The following CLCN7 variants were observed in gnomAD, a reference collection of about 807,000 sequenced individuals.
The protein encoded by CLCN7 is Cl-/H+ antiporter 7.
Under a neutral mutation model 102.1 loss-of-function variants are expected in CLCN7, and 60 were observed. That is an observed-to-expected ratio of 0.59 (90% CI 0.48 to 0.73). The LOEUF (loss-of-function observed/expected upper bound fraction) is 0.73, where lower values mean the gene tolerates loss of function less well. Among genes scored for constraint, CLCN7 ranks in the 30% least tolerant of loss-of-function variants. The pLI is 0.00. For missense variants in CLCN7, 962 were observed against 1,125.7 expected (o/e 0.85, Z 2.08); for synonymous variants, 560 against 490.5 (o/e 1.14, Z -1.87).
chr16:1,447,179 C>A, intron 23 of CLCN7, 93 bp from the exon 24 acceptor site: 1 of 1,270,862 alleles, frequency 7.9e-7, no homozygotes, highest in Non-Finnish European at 1.1e-6. Context: ...CCCACCACGG[C>A]GTCCAGGCAC....
At chr16:1,469,722 A>C (rs1399703055) in intron 1 of CLCN7, among the ~76,000 whole-genome samples, 1 of 152,162 alleles carries the variant, frequency 6.6e-6, no homozygotes, top group Non-Finnish European at 1.5e-5. Context: ...CCAAAAACCA[A>C]AAACAAACAT....
intron 6 of CLCN7, among the ~76,000 whole-genome samples, chr16:1,459,940 G>A (rs1406763499): frequency 7.3e-6 from 1 of 137,100 alleles, no homozygotes; most frequent in African/African-American, 2.8e-5. Flanking sequence ...TCAGGGAAGG[G>A]GAGAGCAGCA....
At position 1,446,718 on chromosome 16, in the gene CLCN7, C is replaced by A; in HGVS notation, c.2332-1G>T. 1 of 1,581,870 alleles carries A rather than the reference C, an allele frequency of 6.3e-7. No homozygotes were observed. The highest frequency in any genetic ancestry group is 8.6e-7 in the Non-Finnish European group (1 of 1,163,454). On this transcript the variant is annotated splice_acceptor_variant, in intron 24 of 24. Coordinates refer to ENST00000382745, the MANE Select transcript of CLCN7 (RefSeq NM_001287.6). LOFTEE classifies it high-confidence loss of function. ...CCTTCCTGGTCACCAACCCGACAAC[C>A]TGCAGGACAAGTCCAGGCCACAGTG...
chr16:1,454,574 C>A (rs1488031116), intron 12 of CLCN7, 109 bp from the exon 13 acceptor site: 1 of 1,040,828 alleles, frequency 9.6e-7, no homozygotes, highest in Non-Finnish European at 1.5e-6. Flanking sequence ...CACAGAGAGC[C>A]TTCCCGCCCT....
intron 1 of CLCN7, among the ~76,000 whole-genome samples, chr16:1,472,927 T>C (rs2039097230): frequency 6.7e-6 from 1 of 149,836 alleles, no homozygotes; most frequent in Admixed American, 6.7e-5. Context: ...TCACCACACC[T>C]GGCTAATTTT....
At chr16:1,468,767 T>G (rs1272951113) in intron 1 of CLCN7, among the ~76,000 whole-genome samples, 1 of 152,126 alleles carries the variant, frequency 6.6e-6, no homozygotes. Flanking sequence ...CTACACGCAT[T>G]GCACCGACAC....
intron 12 of CLCN7, 114 bp from the exon 13 acceptor site, chr16:1,454,579 C>A: frequency 1.0e-6 from 1 of 990,510 alleles, no homozygotes; most frequent in East Asian, 2.5e-5. Flanking sequence ...AGAGCCTTCC[C>A]GCCCTTCCAC....
At chr16:1,449,708 A>ATGCTGACTCCACGTAGAAGC in intron 17 of CLCN7, 9 of 356,474 alleles carry the variant, frequency 2.5e-5, no homozygotes, top group Non-Finnish European at 3.7e-5. Flanking sequence ...GAGGCTGCAG[A>ATGCTGACTCCACGTAGAAGC]AAGCGGGGCA....
intron 12 of CLCN7, among the ~76,000 whole-genome samples, chr16:1,454,783 G>A (rs2038807989): frequency 6.6e-6 from 1 of 152,216 alleles, no homozygotes; most frequent in Non-Finnish European, 1.5e-5. Flanking sequence ...CCTATCGATG[G>A]CACGGAGAGT....
At chr16:1,472,326 G>T (rs1406096823) in intron 1 of CLCN7, among the ~76,000 whole-genome samples, 1 of 152,168 alleles carries the variant, frequency 6.6e-6, no homozygotes, top group African/African-American at 2.4e-5. Context: ...TGCCTCCTGG[G>T]TTCAAGCGAT....
intron 1 of CLCN7, among the ~76,000 whole-genome samples, chr16:1,467,993 G>A (rs895491715): frequency 2.6e-5 from 4 of 152,170 alleles, no homozygotes; most frequent in African/African-American, 9.7e-5. Flanking sequence ...TGAGGCAAGA[G>A]GATCGCTTGA....
chr16:1,449,247 C>T (rs1489414291), intron 18 of CLCN7, 29 bp downstream of exon 18: 9 of 1,574,882 alleles, frequency 5.7e-6, no homozygotes, highest in Admixed American at 1.8e-5. Context: ...GTGGAGCTCC[C>T]CACCCATCGG....
In CLCN7 at chr16:1,451,664, G is replaced by C. The variant is rs1342839139; in HGVS notation, c.1406C>G (p.Thr469Ser). 6.2e-7 allele frequency: 1 copy of C among 1,612,820 alleles called. No homozygotes were observed. ...GAGGCTCACCACGCTCTTCTCCGGG[G>C]TGTTGAAGAAGGCCGCAGCCATGGA... ...YNSMAAAFFN[T>S]PEKSVVSLFH... The change falls in exon 16 of 25, where the codon ACC becomes AGC. Residue 469 changes from threonine to serine, a missense_variant. Around this residue, in one of 2 missense-constraint regions of CLCN7, gnomAD observed 799 missense variants for 988.0 expected, o/e 0.81. Transcript: ENST00000382745.
intron 24 of CLCN7, 141 bp from the exon 25 acceptor site, chr16:1,446,858 TG>T: frequency 2.7e-6 from 3 of 1,097,600 alleles, no homozygotes; most frequent in Non-Finnish European, 4.1e-6. Context: ...AGCACGGGGC[TG>T]GGGAGGGGTG....
chr16:1,455,101 G>A (rs774911112), intron 12 of CLCN7, 33 bp downstream of exon 12: 15 of 1,202,624 alleles, frequency 1.2e-5, no homozygotes, highest in Middle Eastern at 3.8e-4. Context: ...ACCAGGATAC[G>A]AGGTGGGCGA....
Position 1,460,892 on chromosome 16 carries a change from G to A in CLCN7, c.408C>T (p.Leu136=). 6.2e-7 allele frequency: 1 copy of A among 1,614,030 alleles called. No homozygotes were observed. The highest frequency in any genetic ancestry group is 2.2e-5 in the East Asian group (1 of 44,878). ...RWVICALIGI[L]TGLVACFIDI... ...CAATGAAGCAGGCCACGAGGCCCGTGAGGATCCCAATGAGGGCGCAGATGA... is the reference window on the plus strand; with the variant it reads ...CAATGAAGCAGGCCACGAGGCCCGTAAGGATCCCAATGAGGGCGCAGATGA... Residue 136 remains leucine, a synonymous_variant, in exon 5 of 25, where the codon CTC becomes CTT. Coordinates refer to ENST00000382745, the MANE Select transcript of CLCN7 (RefSeq NM_001287.6).
In CLCN7 at chr16:1,447,085, T is replaced by G; in HGVS notation, c.2252A>C (p.Glu751Ala). The change falls in exon 24 of 25, where the codon GAG becomes GCG. Residue 751 changes from glutamate to alanine, a missense_variant and splice_region_variant. Physicochemically the swap from Glu to Ala is moderately radical, Grantham distance 107. This residue lies in a region of CLCN7 where 799 missense variants were observed against 988.0 expected (regional missense o/e 0.81). Transcript: ENST00000382745. ...CTTGAACACCCGTGGGAGCGACGCC[T>G]CCTGCAGCAGGGGCACAGCTGTCAG... ...MNPSPYTVPQ[E>A]ASLPRVFKLF... The G allele has an allele frequency of 1.3e-6, 2 of 1,595,266 alleles. No homozygotes were observed. Among genetic ancestry groups the G allele is most frequent in the Non-Finnish European group, 1.7e-6 (2 of 1,175,774 alleles).
rs375281048 is a variant in CLCN7, at chr16:1,447,532, G to T, written c.2110C>A (p.Arg704=). 1 of 1,555,602 alleles carries T rather than the reference G, an allele frequency of 6.4e-7. No homozygotes were observed. The highest frequency in any genetic ancestry group is 8.7e-7 in the Non-Finnish European group (1 of 1,149,926). ...CGGAAGTCCTTCAGCCTCAGGCGCC[G>T]CTGTACCAGGCCCAGGTTGGACCGC... ...VERSNLGLVQ[R]RLRLKDFRDA... is the part of the protein sequence containing the mutation. The change falls in exon 23 of 25, where the codon CGG becomes AGG. Residue 704 remains arginine (R), a synonymous_variant. Coordinates refer to ENST00000382745, the MANE Select transcript of CLCN7 (RefSeq NM_001287.6).
At chr16:1,463,437 C>T (rs2038965756) in intron 2 of CLCN7, among the ~76,000 whole-genome samples, 1 of 152,096 alleles carries the variant, frequency 6.6e-6, no homozygotes. Context: ...AGATGGAGTT[C>T]AGCCTGGGCC....
Sources: gnomAD v4.1 joint callset for allele counts (sites outside exome capture counted in the v4.1 genomes callset) on GRCh38, gnomAD v4.1.1 for gene constraint, gnomAD v4.1.1 regional missense constraint, MANE v1.5 for transcripts, NCBI Gene and HGNC (gene_info 2026-07-23, HGNC 2026-07-21) for gene names.